PWWP2B: variants seen among roughly 807,000 people sequenced by gnomAD.
The protein encoded by PWWP2B is PWWP domain containing 2B.
A neutral mutation model predicts 15.5 loss-of-function variants in PWWP2B; 9 were observed. The observed-to-expected ratio is 0.58, with a 90% CI of 0.35 to 1.02. The LOEUF (loss-of-function observed/expected upper bound fraction) is 1.02, where lower values mean the gene tolerates loss of function less well. Ranked by LOEUF, PWWP2B falls within the 50% of genes least tolerant of loss-of-function variation. The pLI, the probability that PWWP2B is intolerant of heterozygous loss-of-function variation, is 0.02. For synonymous variants in PWWP2B, 474 were observed against 403.6 expected (o/e 1.17, Z -2.09); for missense variants, 864 against 865.3 (o/e 1.00, Z 0.02).
chr10:132,405,457 A>G lies in PWWP2B; in HGVS notation c.957A>G (p.Thr319=). The G allele has an allele frequency of 6.2e-7, 1 of 1,607,936 alleles. No homozygotes were observed. The highest frequency in any genetic ancestry group is 8.5e-7 in the Non-Finnish European group (1 of 1,179,414). The part of the protein sequence containing the change: ...PSASIPKLKL[T]RPVPAGADLP... The stretch of plus-strand genomic sequence containing the variant: ...CCTCCATCCCCAAGTTGAAACTGAC[A>G]CGGCCTGTGCCGGCCGGCGCGGACC... The change falls in exon 2 of 3, where the codon ACA becomes ACG. Residue 319 remains threonine, a synonymous_variant. Transcript: ENST00000305233.
chr10:132,399,488 C>A (rs1038010242), intron 1 of PWWP2B, among the ~76,000 whole-genome samples: 3 of 152,286 alleles, frequency 2.0e-5, no homozygotes, highest in African/African-American at 7.2e-5. Flanking sequence ...ATGGCATTCT[C>A]TCCCTTGCTT....
Position 132,404,757 on chromosome 10 carries a change from C to A in PWWP2B, c.257C>A (p.Pro86His). 3 of 1,592,748 alleles carry A rather than the reference C, an allele frequency of 1.9e-6. No individual in the cohort carries two copies. Among genetic ancestry groups the A allele is most frequent in the South Asian group, 2.2e-5 (2 of 89,868 alleles). The stretch of plus-strand genomic sequence containing the variant: ...ATGCAGCTGGGGTCCAGCTCCCCCC[C>A]TCCTGCCCGCGGGGTTCAGCCCCCC... The part of the protein sequence containing the change: ...EVMQLGSSSP[P>H]PARGVQPPET... Residue 86 changes from proline (P) to histidine (H), a missense_variant, in exon 2 of 3, where the codon CCT becomes CAT. Physicochemically the swap from Pro to His is moderately conservative, Grantham distance 77 (BLOSUM62 -2). Around this residue, in one of 2 missense-constraint regions of PWWP2B, gnomAD observed 736 missense variants for 687.7 expected, o/e 1.07. Coordinates refer to ENST00000305233, the MANE Select transcript of PWWP2B (RefSeq NM_138499.4).
intron 1 of PWWP2B, among the ~76,000 whole-genome samples, chr10:132,403,816 C>A (rs575467388): frequency 1.2e-3 from 178 of 145,790 alleles, no homozygotes; most frequent in African/African-American, 4.3e-3. Context: ...TGTGCCCCTT[C>A]CCCTGCAGCT....
chr10:132,400,194 C>A (rs554551479), intron 1 of PWWP2B, among the ~76,000 whole-genome samples: 7 of 152,274 alleles, frequency 4.6e-5, no homozygotes, highest in Admixed American at 3.9e-4. Context: ...AGGCTGTGCC[C>A]CCTGCCCTTG....
chr10:132,399,703 TGTG>T (rs1441244178), intron 1 of PWWP2B, among the ~76,000 whole-genome samples: 1 of 152,232 alleles, frequency 6.6e-6, no homozygotes, highest in Admixed American at 6.5e-5. Flanking sequence ...TCTGGGCCAA[TGTG>T]GTGGTGGTTC....
chr10:132,401,373 C>T (rs1459861272), intron 1 of PWWP2B, among the ~76,000 whole-genome samples: 3 of 151,882 alleles, frequency 2.0e-5, no homozygotes, highest in South Asian at 2.1e-4. Flanking sequence ...AGGGGCCCCT[C>T]GCATGTCCTC....
chr10:132,415,629 C>G (rs2133167561), intron 2 of PWWP2B, among the ~76,000 whole-genome samples: 1 of 130,670 alleles, frequency 7.7e-6, no homozygotes, highest in East Asian at 2.1e-4. Flanking sequence ...AATCACACAT[C>G]CACTCACACA....
intron 2 of PWWP2B, among the ~76,000 whole-genome samples, chr10:132,415,323 CA>C (rs1564878555): frequency 6.7e-6 from 1 of 148,618 alleles, no homozygotes; most frequent in African/African-American, 2.5e-5. Context: ...CATCCACACA[CA>C]CCCCCCCACA....
intron 1 of PWWP2B, 28 bp from the exon 2 acceptor site, chr10:132,404,598 A>T (rs927266448): frequency 6.3e-7 from 1 of 1,592,244 alleles, no homozygotes; most frequent in Non-Finnish European, 8.6e-7. Context: ...GTCCCTTCTC[A>T]CTGTGGTTTC....
chr10:132,414,280 C>T (rs999887552), intron 2 of PWWP2B, among the ~76,000 whole-genome samples: 4 of 152,216 alleles, frequency 2.6e-5, no homozygotes, highest in African/African-American at 9.6e-5. Flanking sequence ...CCGACATTTC[C>T]AAAGGTCATG....
chr10:132,406,840 C>T (rs1272904784), intron 2 of PWWP2B, among the ~76,000 whole-genome samples: 1 of 152,190 alleles, frequency 6.6e-6, no homozygotes, highest in African/African-American at 2.4e-5. Flanking sequence ...CTGGCCCAGC[C>T]CTGCCCCCTG....
Position 132,397,359 on chromosome 10 carries a change from G to A in PWWP2B, c.125+8G>A. The A allele has an allele frequency of 3.8e-6, 5 of 1,328,076 alleles. No homozygotes were observed. The highest frequency in any genetic ancestry group is 3.0e-5 in the Admixed American group (1 of 32,874). 82.3% of individuals were successfully genotyped at this position (1,328,076 alleles called of 1,614,324 possible). A position where few individuals can be genotyped will look rare whatever the true frequency, so the allele number is the denominator to read the frequency against. On this transcript the variant is annotated splice_region_variant and intron_variant, in intron 1 of 2. Coordinates refer to ENST00000305233, the MANE Select transcript of PWWP2B (RefSeq NM_138499.4). ...GCTGGACTGCACGAAAAAGTGAGCG[G>A]GGGCGCGGGCCGGGACACCCCCGGG...
chr10:132,411,862 C>T (rs1022883876), intron 2 of PWWP2B, among the ~76,000 whole-genome samples: 2 of 152,248 alleles, frequency 1.3e-5, no homozygotes, highest in Non-Finnish European at 2.9e-5. Context: ...TTGCTTTTCT[C>T]TTCCTCCAAC....
Position 132,406,244 on chromosome 10 carries a change from AG to A in PWWP2B, c.1747del (p.Glu583SerfsTer3). On this transcript the variant is annotated frameshift_variant, in exon 2 of 3. Coordinates refer to ENST00000305233, the MANE Select transcript of PWWP2B (RefSeq NM_138499.4). LOFTEE classifies it low-confidence loss of function (END_TRUNC). ...CGCAAGACACGTGGCCCCGGAAATC[AG>A]GGAGCTCTTAACCCAGTTTGAAACG... is the stretch of plus-strand genomic sequence containing the variant. ...NAARHVAPEI[R>X]ELLTQFET The A allele has an allele frequency of 6.2e-7, 1 of 1,611,210 alleles. No homozygotes were observed.
Position 132,417,183 on chromosome 10 carries a change from G to GC in PWWP2B, c.*145dup. 5.4e-6 allele frequency: 7 copies of GC among 1,292,104 alleles called. No homozygotes were observed. The highest frequency in any genetic ancestry group is 1.2e-5 in the South Asian group (1 of 84,000). 80.0% of individuals were successfully genotyped at this position (1,292,104 alleles called of 1,614,324 possible). ...GGCACGGTGGTCGGCCTGGTGTGAG[G>GC]CCCCCCGGGGACCGGCAGTGTGTCC... is the stretch of plus-strand genomic sequence containing the variant. On this transcript the variant is annotated 3_prime_UTR_variant, in exon 3 of 3. Coordinates refer to ENST00000305233, the MANE Select transcript of PWWP2B (RefSeq NM_138499.4).
intron 2 of PWWP2B, among the ~76,000 whole-genome samples, chr10:132,412,331 A>G (rs1174058205): frequency 5.3e-5 from 8 of 152,166 alleles, no homozygotes; most frequent in African/African-American, 1.9e-4. Context: ...CCTGGGTCTC[A>G]CCTTCAGCTC....
In PWWP2B at chr10:132,417,057, C is replaced by G. The variant is rs765312273; in HGVS notation, c.*17-4C>G. 9 of 1,613,606 alleles carry G rather than the reference C, an allele frequency of 5.6e-6. No individual in the cohort carries two copies. Among genetic ancestry groups the G allele is most frequent in the Non-Finnish European group, 7.6e-6 (9 of 1,179,624 alleles). On this transcript the variant is annotated splice_polypyrimidine_tract_variant and splice_region_variant and intron_variant, in intron 2 of 2. Transcript: ENST00000305233. ...ATCTCTGCCCCTTTTTGCTTTCCCC[C>G]AAGGTCACCGACGATGAGGGCGCAC...
In PWWP2B at chr10:132,405,737, G is replaced by A; in HGVS notation, c.1237G>A (p.Gly413Arg). The A allele has an allele frequency of 6.2e-7, 1 of 1,609,586 alleles. No homozygotes were observed. Among genetic ancestry groups the A allele is most frequent in the Non-Finnish European group, 8.5e-7 (1 of 1,179,884 alleles). Residue 413 changes from glycine (G) to arginine (R), a missense_variant, in exon 2 of 3, where the codon GGG (glycine) becomes AGG (arginine). Around this residue, in one of 2 missense-constraint regions of PWWP2B, gnomAD observed 736 missense variants for 687.7 expected, o/e 1.07. Transcript: ENST00000305233. Reference sequence around the variant, plus strand: ...GGCTTTTCTCGTCAGCTGCCCTGAGGGGAGAGCGGACTGTGCCAGTGAGTC... The same window carrying A: ...GGCTTTTCTCGTCAGCTGCCCTGAGAGGAGAGCGGACTGTGCCAGTGAGTC... ...GLAFLVSCPEGRADCASESAC... is the reference protein window; with the variant it reads ...GLAFLVSCPERRADCASESAC...
Position 132,405,172 on chromosome 10 carries a change from G to A in PWWP2B, c.672G>A (p.Thr224=), listed in dbSNP as rs368389886. The change falls in exon 2 of 3, where the codon ACG becomes ACA. Residue 224 remains threonine, a synonymous_variant. Coordinates refer to ENST00000305233, the MANE Select transcript of PWWP2B (RefSeq NM_138499.4). ...AGGAGCCGGAGAACGGCGAGCCCAC[G>A]GCTGCGGCCACCGCCAGGAGGAGCA... ...KPEEPENGEP[T]AAATARRSKR... 9.1e-5 allele frequency: 141 copies of A among 1,553,744 alleles called. No individual in the cohort carries two copies. Among genetic ancestry groups the A allele is most frequent in the South Asian group, 1.9e-4 (16 of 85,006 alleles).
Sources: gnomAD v4.1 joint callset for allele counts (sites outside exome capture counted in the v4.1 genomes callset) on GRCh38, gnomAD v4.1.1 for gene constraint, gnomAD v4.1.1 regional missense constraint, MANE v1.5 for transcripts, NCBI Gene and HGNC (gene_info 2026-07-23, HGNC 2026-07-21) for gene names.